The following TPH2 variants were observed in gnomAD, a reference collection of about 807,000 sequenced individuals.
The protein encoded by TPH2 is tryptophan 5-hydroxylase 2.
TPH2 carries 27 observed loss-of-function variants against 59.1 expected under a neutral mutation model. The observed-to-expected ratio is 0.46, with a 90% CI of 0.34 to 0.63. The LOEUF (loss-of-function observed/expected upper bound fraction) is 0.63. Ranked by LOEUF, TPH2 falls within the 30% of genes least tolerant of loss-of-function variation. TPH2 has a pLI of 0.01. For synonymous variants in TPH2, 220 were observed against 210.5 expected (o/e 1.05, Z -0.39); for missense variants, 523 against 588.3 (o/e 0.89, Z 1.15).
chr12:71,958,257 A>T (rs148435328), intron 5 of TPH2, among the ~76,000 whole-genome samples: 402 of 152,310 alleles, frequency 2.6e-3, no homozygotes, highest in African/African-American at 9.4e-3. Context: ...ATAGTTTCTG[A>T]GTAAGGTCAC....
intron 5 of TPH2, among the ~76,000 whole-genome samples, chr12:71,972,268 C>A (rs1222682924): frequency 5.9e-5 from 9 of 152,184 alleles, no homozygotes; most frequent in African/African-American, 2.2e-4. Flanking sequence ...GAACATAAAT[C>A]TTATCACATT....
At position 71,938,877 on chromosome 12, in the gene TPH2, C is replaced by T. The variant is rs375676526; in HGVS notation, c.-110C>T. 4.4e-6 allele frequency: 4 copies of T among 904,976 alleles called. No individual in the cohort carries two copies. The highest frequency in any genetic ancestry group is 5.5e-6 in the Non-Finnish European group (3 of 547,740). The allele number at this position is 904,976 out of a possible 1,614,324, so 56.1% of individuals were successfully genotyped here. Reference sequence around the variant, plus strand: ...TCTTCAGCACCAGGGTTCTGGACAGCGCCCCAAGCAGGCAGCTGATCGCAC... The same window carrying T: ...TCTTCAGCACCAGGGTTCTGGACAGTGCCCCAAGCAGGCAGCTGATCGCAC... On this transcript the variant is annotated 5_prime_UTR_variant, in exon 1 of 11. Coordinates refer to ENST00000333850, the MANE Select transcript of TPH2 (RefSeq NM_173353.4).
chr12:71,971,092 T>C (rs1015259532), intron 5 of TPH2, among the ~76,000 whole-genome samples: 2 of 152,188 alleles, frequency 1.3e-5, no homozygotes, highest in African/African-American at 4.8e-5. Context: ...CTATTCTTGT[T>C]ATAGTCCTCT....
intron 8 of TPH2, among the ~76,000 whole-genome samples, chr12:72,005,960 A>T (rs1872944282): frequency 6.6e-6 from 1 of 152,166 alleles, no homozygotes; most frequent in South Asian, 2.1e-4. Context: ...ATCTGTCAGT[A>T]GCAAAAGTAT....
chr12:71,941,495 T>C, intron 1 of TPH2, 89 bp from the exon 2 acceptor site: 3 of 1,493,496 alleles, frequency 2.0e-6, no homozygotes, highest in Non-Finnish European at 1.8e-6. Flanking sequence ...TTCCAGCTTA[T>C]GAATGACATG....
chr12:71,975,138 G>A (rs1872081127), intron 6 of TPH2, among the ~76,000 whole-genome samples: 1 of 152,258 alleles, frequency 6.6e-6, no homozygotes, highest in African/African-American at 2.4e-5. Flanking sequence ...CTTGAGGTCA[G>A]GAGTTCGAGA....
At chr12:71,942,045 G>T (rs1373187247) in intron 2 of TPH2, among the ~76,000 whole-genome samples, 1 of 151,960 alleles carries the variant, frequency 6.6e-6, no homozygotes, top group Non-Finnish European at 1.5e-5. Flanking sequence ...AGCCAAACAG[G>T]GTATCTTAAG....
At chr12:71,992,396 A>G (rs1712023971) in intron 7 of TPH2, among the ~76,000 whole-genome samples, 1 of 152,060 alleles carries the variant, frequency 6.6e-6, no homozygotes, top group African/African-American at 2.4e-5. Flanking sequence ...AGCTTGGGCA[A>G]CATTGTGAGG....
At chr12:72,020,653 A>C (rs149884183) in intron 8 of TPH2, among the ~76,000 whole-genome samples, 3,046 of 151,954 alleles carry the variant, frequency 0.02, 56 homozygotes, top group Non-Finnish European at 0.032. Flanking sequence ...CGCCCAGCTA[A>C]TTTTTGTATT....
intron 6 of TPH2, among the ~76,000 whole-genome samples, chr12:71,975,458 C>T (rs902657704): frequency 1.1e-4 from 17 of 152,176 alleles, no homozygotes; most frequent in Admixed American, 7.9e-4. Flanking sequence ...CTGTTTTACA[C>T]GCTCAAGTCT....
At chr12:71,959,390 C>T (rs182515812) in intron 5 of TPH2, among the ~76,000 whole-genome samples, 3 of 152,282 alleles carry the variant, frequency 2.0e-5, no homozygotes, top group East Asian at 3.9e-4. Context: ...CCCTGCTTCT[C>T]GCGTCCTAGT....
chr12:72,023,297 T>G (rs1364620102), intron 9 of TPH2, among the ~76,000 whole-genome samples: 9 of 152,190 alleles, frequency 5.9e-5, no homozygotes, highest in Admixed American at 5.9e-4. Flanking sequence ...CATTCTTGAG[T>G]TTTTATTTTG....
chr12:71,983,431 T>A (rs541002942), intron 7 of TPH2, among the ~76,000 whole-genome samples: 2 of 152,206 alleles, frequency 1.3e-5, no homozygotes, highest in South Asian at 4.2e-4. Context: ...CAATAAACCT[T>A]CCCTCTCACT....
intron 5 of TPH2, among the ~76,000 whole-genome samples, chr12:71,967,640 T>A (rs182604379): frequency 1.0e-3 from 154 of 152,332 alleles, no homozygotes; most frequent in African/African-American, 3.3e-3. Flanking sequence ...TCCATATAAA[T>A]GCAGGAGACT....
At chr12:72,006,009 T>C (rs1174339719) in intron 8 of TPH2, among the ~76,000 whole-genome samples, 1 of 152,154 alleles carries the variant, frequency 6.6e-6, no homozygotes, top group East Asian at 1.9e-4. Context: ...CAGATACTCA[T>C]ACTGTTAGGG....
chr12:71,958,512 T>A (rs1353640361), intron 5 of TPH2, among the ~76,000 whole-genome samples: 1 of 152,230 alleles, frequency 6.6e-6, no homozygotes, highest in Non-Finnish European at 1.5e-5. Context: ...ACACTTAGAA[T>A]TTTATGGACT....
chr12:72,012,724 C>G (rs949669526), intron 8 of TPH2, among the ~76,000 whole-genome samples: 13 of 152,098 alleles, frequency 8.5e-5, no homozygotes, highest in African/African-American at 2.9e-4. Flanking sequence ...TTGGGTGGCA[C>G]CAATGTCAGA....
At chr12:71,953,727 A>G (rs998515158) in intron 5 of TPH2, among the ~76,000 whole-genome samples, 3 of 152,158 alleles carry the variant, frequency 2.0e-5, no homozygotes, top group African/African-American at 4.8e-5. Flanking sequence ...GTTTTGAAAA[A>G]TCTGGCGTAT....
intron 7 of TPH2, among the ~76,000 whole-genome samples, chr12:71,991,976 G>C (rs1449777378): frequency 3.9e-5 from 6 of 152,124 alleles, no homozygotes; most frequent in Non-Finnish European, 7.4e-5. Flanking sequence ...CACCTGGTGA[G>C]AGTTTAAAAA....
Sources: gnomAD v4.1 joint callset for allele counts (sites outside exome capture counted in the v4.1 genomes callset) on GRCh38, gnomAD v4.1.1 for gene constraint, MANE v1.5 for transcripts, NCBI Gene and HGNC (gene_info 2026-07-23, HGNC 2026-07-21) for gene names.